The following OPCML variants were observed in gnomAD, a reference collection of about 807,000 sequenced individuals.
OPCML encodes the protein opioid-binding protein/cell adhesion molecule.
A neutral mutation model predicts 37.8 loss-of-function variants in OPCML; 13 were observed. The ratio of observed to expected loss-of-function variants is 0.34; its 90% confidence interval spans 0.22 to 0.55. The LOEUF (loss-of-function observed/expected upper bound fraction) is 0.55. OPCML is among the 20% of genes least tolerant of loss of function. The pLI is 0.91. For missense variants in OPCML, 341 were observed against 435.6 expected, an observed-to-expected ratio of 0.78 and a Z score of 1.93; for synonymous variants, 176 against 168.8, an observed-to-expected ratio of 1.04 and a Z score of -0.33.
At chr11:132,821,827 T>C (rs115282591) in intron 2 of OPCML, among the ~76,000 whole-genome samples, 1,644 of 152,176 alleles carry the variant, frequency 0.011, 33 homozygotes, top group African/African-American at 0.038. Flanking sequence ...GGAGCCTTGG[T>C]GGGTCCTGCC....
chr11:132,904,316 G>A (rs1290024037), intron 2 of OPCML, among the ~76,000 whole-genome samples: 2 of 152,206 alleles, frequency 1.3e-5, no homozygotes, highest in Non-Finnish European at 2.9e-5. Context: ...ACTCATCCAT[G>A]CCCAACTTCC....
intron 2 of OPCML, among the ~76,000 whole-genome samples, chr11:132,721,812 C>T (rs991739656): frequency 6.6e-6 from 1 of 152,018 alleles, no homozygotes; most frequent in Admixed American, 6.6e-5. Flanking sequence ...GCTTTCAAGA[C>T]ATCTGGAAGT....
At chr11:133,244,782 G>A (rs1229143690) in intron 1 of OPCML, among the ~76,000 whole-genome samples, 1 of 152,128 alleles carries the variant, frequency 6.6e-6, no homozygotes, top group East Asian at 1.9e-4. Flanking sequence ...GTTTCCTGAG[G>A]CCTCCCCAGC....
chr11:133,361,128 G>A (rs1023707065), intron 1 of OPCML: 8 of 152,304 alleles, frequency 5.3e-5, no homozygotes, highest in Non-Finnish European at 1.0e-4. Flanking sequence ...CGGGGCCTTC[G>A]GCCTCCCACC....
intron 1 of OPCML, among the ~76,000 whole-genome samples, chr11:133,196,395 G>A (rs1281992173): frequency 1.3e-5 from 2 of 152,130 alleles, no homozygotes; most frequent in East Asian, 1.9e-4. Context: ...TCCACCCAGC[G>A]ATCCTTTCAG....
At chr11:133,198,268 G>A (rs972461493) in intron 1 of OPCML, among the ~76,000 whole-genome samples, 3 of 152,194 alleles carry the variant, frequency 2.0e-5, no homozygotes, top group South Asian at 2.1e-4. Context: ...ATAGCAAGAC[G>A]TGTGAAAAAT....
At position 132,436,210 on chromosome 11, in the gene OPCML, C is replaced by T. The variant is rs370400617; in HGVS notation, c.792G>A (p.Arg264=). Residue 264 remains arginine, a synonymous_variant, in exon 7 of 8, where the codon AGG becomes AGA. Coordinates refer to ENST00000524381, the MANE Select transcript of OPCML (RefSeq NM_001012393.5). ...TRLATGLDGM[R]IENKGRMSTL... The stretch of plus-strand genomic sequence containing the variant: ...TGGACATGCGGCCTTTGTTTTCAAT[C>T]CTCATTCCATCCAGACCAGTGGCTA... 9 of 1,614,096 alleles carry T rather than the reference C, an allele frequency of 5.6e-6. No homozygotes were observed. The highest frequency in any genetic ancestry group is 6.8e-6 in the Non-Finnish European group (8 of 1,180,038).
chr11:133,170,300 C>T (rs181780937), intron 1 of OPCML, among the ~76,000 whole-genome samples: 271 of 152,282 alleles, frequency 1.8e-3, no homozygotes, highest in Middle Eastern at 6.8e-3. Context: ...CACAGTGAAA[C>T]TCCATCTCTA....
At chr11:132,643,554 G>A (rs890653682) in intron 3 of OPCML, among the ~76,000 whole-genome samples, 6 of 152,106 alleles carry the variant, frequency 3.9e-5, no homozygotes, top group Non-Finnish European at 7.4e-5. Context: ...TCTTTCTCTT[G>A]ACTCTCGACC....
At chr11:132,578,634 A>C (rs2096455964) in intron 3 of OPCML, among the ~76,000 whole-genome samples, 1 of 152,318 alleles carries the variant, frequency 6.6e-6, no homozygotes, top group East Asian at 1.9e-4. Flanking sequence ...CAGAATGTTA[A>C]AAATAAAATT....
At chr11:132,947,693 T>C (rs1416987849) in intron 1 of OPCML, among the ~76,000 whole-genome samples, 3 of 152,328 alleles carry the variant, frequency 2.0e-5, no homozygotes, top group Non-Finnish European at 4.4e-5. Flanking sequence ...AAGTAGTTTA[T>C]GTCAGAACTT....
intron 1 of OPCML, among the ~76,000 whole-genome samples, chr11:133,272,943 T>C (rs1309932702): frequency 6.6e-6 from 1 of 152,162 alleles, no homozygotes; most frequent in East Asian, 1.9e-4. Flanking sequence ...GGCCTTCTTT[T>C]AAATCAAAAT....
At chr11:133,342,544 A>G (rs1024016499) in intron 1 of OPCML, among the ~76,000 whole-genome samples, 3 of 152,192 alleles carry the variant, frequency 2.0e-5, no homozygotes, top group African/African-American at 7.2e-5. Context: ...GATGCCAGAC[A>G]CATAAACAAG....
At chr11:133,517,620 C>T (rs1028683477) in intron 1 of OPCML, among the ~76,000 whole-genome samples, 20 of 152,324 alleles carry the variant, frequency 1.3e-4, no homozygotes, top group African/African-American at 4.6e-4. Context: ...ATCTGAGAGG[C>T]ATCATCTCAG....
At chr11:133,220,379 G>A (rs934392014) in intron 1 of OPCML, among the ~76,000 whole-genome samples, 1 of 152,078 alleles carries the variant, frequency 6.6e-6, no homozygotes, top group Non-Finnish European at 1.5e-5. Flanking sequence ...AGGAGATGAG[G>A]GCACAGGTTC....
chr11:133,390,822 A>T (rs956041572), intron 1 of OPCML, among the ~76,000 whole-genome samples: 2 of 152,188 alleles, frequency 1.3e-5, no homozygotes, highest in Non-Finnish European at 2.9e-5. Context: ...TCCTGTGAGT[A>T]AGTCAATGGA....
chr11:133,301,963 A>G (rs1261293978), intron 1 of OPCML: 1 of 152,240 alleles, frequency 6.6e-6, no homozygotes, highest in East Asian at 1.9e-4. Context: ...TAGAATATTT[A>G]GTCCACATAC....
intron 4 of OPCML, among the ~76,000 whole-genome samples, chr11:132,520,725 A>C (rs1159167382): frequency 2.2e-5 from 3 of 133,860 alleles, no homozygotes; most frequent in African/African-American, 7.7e-5. Context: ...ATTATATATA[A>C]AGTTGTATTT....
At chr11:132,473,139 G>A (rs1423574360) in intron 4 of OPCML, among the ~76,000 whole-genome samples, 1 of 152,208 alleles carries the variant, frequency 6.6e-6, no homozygotes, top group Non-Finnish European at 1.5e-5. Flanking sequence ...GACAAGGGGT[G>A]CCAAACAGCA....
Sources: allele counts gnomAD v4.1 joint callset (sites outside exome capture counted in the v4.1 genomes callset), GRCh38; gene constraint gnomAD v4.1.1; transcripts MANE v1.5; gene names NCBI Gene and HGNC (gene_info 2026-07-23, HGNC 2026-07-21).